Variants in KIF13A observed in about 807,000 individuals in gnomAD.
KIF13A encodes kinesin family member 13A.
A neutral mutation model predicts 212.2 loss-of-function variants in KIF13A; 79 were observed. The ratio of observed to expected loss-of-function variants is 0.37; its 90% CI spans 0.31 to 0.45. KIF13A has a LOEUF of 0.45. Ranked by LOEUF, KIF13A falls within the 20% of genes least tolerant of loss-of-function variation. KIF13A has a pLI of 1.00. For missense variants in KIF13A, 1,901 were observed against 2,209.0 expected, an observed-to-expected ratio of 0.86 and a Z score of 2.79; for synonymous variants, 789 against 808.6, an observed-to-expected ratio of 0.98 and a Z score of 0.41.
intron 16 of KIF13A, among the ~76,000 whole-genome samples, chr6:17,823,851 T>C (rs548661488): frequency 6.7e-6 from 1 of 148,728 alleles, no homozygotes; most frequent in East Asian, 2.0e-4. Flanking sequence ...TATCTTCCCG[T>C]CTCGGCCTCC....
intron 16 of KIF13A, among the ~76,000 whole-genome samples, chr6:17,819,289 C>A (rs1273954705): frequency 6.6e-6 from 1 of 152,092 alleles, no homozygotes. Context: ...GGGGGCCAGG[C>A]GTGGTGGCTC....
Position 17,764,820 on chromosome 6 carries a change from A to T in KIF13A, c.4708T>A (p.Phe1570Ile). ...YNASLENREW[F>I]SSKVDLSNSR... ...TTTGACAGATCTACTTTAGAGGAAA[A>T]CCATTCCCTGTTCTCCAAGCTGGCA... The change falls in exon 39 of 39, where the codon TTT becomes ATT. Residue 1570 changes from phenylalanine to isoleucine, a missense_variant. Phe to Ile is a conservative substitution (Grantham distance 21, BLOSUM62 0). Coordinates refer to ENST00000259711, the MANE Select transcript of KIF13A (RefSeq NM_022113.6). This position sits in a 1 kb window ranked among gnomAD's most constrained non-coding sequence, Gnocchi z 5.1. 2.5e-6 allele frequency: 4 copies of T among 1,613,526 alleles called. No individual in the cohort carries two copies. Among genetic ancestry groups the T allele is most frequent in the Non-Finnish European group, 3.4e-6 (4 of 1,179,694 alleles).
At chr6:17,779,560 C>T (rs1272825958) in intron 32 of KIF13A, 32 bp downstream of exon 32, 5 of 1,019,530 alleles carry the variant, frequency 4.9e-6, no homozygotes, top group Admixed American at 2.1e-5. Context: ...GCATGAGCCA[C>T]TGCGCCCGGC....
In KIF13A at chr6:17,862,744, T is replaced by C. The variant is rs997043973; in HGVS notation, c.221-6622A>G. Among the ~76,000 whole-genome samples, 6 of 152,022 alleles carry C rather than the reference T, an allele frequency of 3.9e-5. 1 individual carries two copies. Among genetic ancestry groups the C allele is most frequent in the Non-Finnish European group, 8.8e-5 (6 of 67,970 alleles). ...TGGGTGAATCACGAGGTCAGGAGAT[T>C]GAGACCAACCTGGCTAACATGGTGA... On this transcript the variant is annotated intron_variant, in intron 4 of 38. Coordinates refer to ENST00000259711, the MANE Select transcript of KIF13A (RefSeq NM_022113.6).
In KIF13A at chr6:17,764,127, C is replaced by T. The variant is rs1758734716; in HGVS notation, c.5401G>A (p.Val1801Ile). 1 of 1,613,828 alleles carries T rather than the reference C, an allele frequency of 6.2e-7. No individual in the cohort carries two copies. The change falls in exon 39 of 39, where the codon GTT becomes ATT. Residue 1801 changes from valine to isoleucine, a missense_variant. This residue lies in a region of KIF13A where 687 missense variants were observed against 759.1 expected (regional missense o/e 0.90). Coordinates refer to ENST00000259711, the MANE Select transcript of KIF13A (RefSeq NM_022113.6). This position sits in a 1 kb window ranked among gnomAD's most constrained non-coding sequence, Gnocchi z 5.1. ...QVIIPEAAFW[V>I]LCCQ Reference sequence around the variant, plus strand: ...AGACATACTCATTGACAGCACAGAACCCAAAAGGCTGCCTCTGGAATTATT... The same window carrying T: ...AGACATACTCATTGACAGCACAGAATCCAAAAGGCTGCCTCTGGAATTATT...
chr6:17,975,406 GT>G (rs763484190), intron 2 of KIF13A, among the ~76,000 whole-genome samples: 199 of 152,244 alleles, frequency 1.3e-3, no homozygotes, highest in Non-Finnish European at 2.1e-3. Context: ...CGCGTCTGGA[GT>G]TTTTTCCTTT....
chr6:17,874,221 C>G (rs1770281955), intron 3 of KIF13A, among the ~76,000 whole-genome samples: 1 of 151,856 alleles, frequency 6.6e-6, no homozygotes, highest in Admixed American at 6.6e-5. Flanking sequence ...CCATCCTGCA[C>G]TCCTTTCCCC....
Position 17,825,974 on chromosome 6 carries a change from T to C in KIF13A, c.1620-40A>G. The C allele has an allele frequency of 6.2e-7, 1 of 1,611,318 alleles. No individual in the cohort carries two copies. Among genetic ancestry groups the C allele is most frequent in the Non-Finnish European group, 8.5e-7 (1 of 1,177,922 alleles). On this transcript the variant is annotated intron_variant, in intron 15 of 38. Coordinates refer to ENST00000259711, the MANE Select transcript of KIF13A (RefSeq NM_022113.6). This position sits in a 1 kb window ranked among gnomAD's most constrained non-coding sequence, Gnocchi z 4.5. ...ACCATTAGAGAAAATCAACTTGTTT[T>C]ACACTTAAATAGATAACAGAAAAAA...
chr6:17,950,567 C>A, intron 2 of KIF13A: 1 of 985,038 alleles, frequency 1.0e-6, no homozygotes, highest in Non-Finnish European at 1.2e-6. Context: ...TGGATGAATG[C>A]CCCACAGGAT....
chr6:17,799,351 G>A lies in KIF13A; in HGVS notation c.2705C>T (p.Thr902Met), dbSNP rs532977529. 2.9e-5 allele frequency: 47 copies of A among 1,612,782 alleles called. No homozygotes were observed. The East Asian group carries it at 4.7e-4, about 16-fold the overall frequency. Reference sequence around the variant, plus strand: ...GGGGTCCACCACCGGGGCAGCCACCGTAGACTCACACTGGTCCCAGAATGT... The same window carrying A: ...GGGGTCCACCACCGGGGCAGCCACCATAGACTCACACTGGTCCCAGAATGT... ...QYTFWDQCES[T>M]VAAPVVDPEV... The change falls in exon 22 of 39, where the codon ACG (threonine) becomes ATG (methionine). Residue 902 changes from threonine (T) to methionine (M), a missense_variant. This residue lies in a region of KIF13A where 534 missense variants were observed against 536.9 expected (regional missense o/e 0.99). Transcript: ENST00000259711. The surrounding 1 kb of genome is among the most constrained non-coding windows in gnomAD (Gnocchi z 4.4).
At chr6:17,762,114 A>G (rs996318135), downstream of KIF13A, among the ~76,000 whole-genome samples, 1 of 152,114 alleles carries the variant, frequency 6.6e-6, no homozygotes, top group Non-Finnish European at 1.5e-5. Context: ...TCTGTTGTCC[A>G]GACTGGTCTT....
Position 17,899,407 on chromosome 6 carries a change from G to A in KIF13A, c.147-1227C>T, listed in dbSNP as rs1772861755. ...CTAAGAAAGTAGATTTTCCAGGGCA[G>A]AGGGCACGGAAAGGTATAGGCAAAA... On this transcript the variant is annotated intron_variant, in intron 2 of 38. Coordinates refer to ENST00000259711, the MANE Select transcript of KIF13A (RefSeq NM_022113.6). The surrounding 1 kb of genome is among the most constrained non-coding windows in gnomAD (Gnocchi z 5.2). Among the ~76,000 whole-genome samples, 1 of 152,218 alleles carries A rather than the reference G, an allele frequency of 6.6e-6. No homozygotes were observed. Among genetic ancestry groups the A allele is most frequent in the Admixed American group, 6.5e-5 (1 of 15,288 alleles).
chr6:17,779,742 ATTTTT>A, intron 31 of KIF13A, 58 bp from the exon 32 acceptor site: 9 of 461,336 alleles, frequency 2.0e-5, no homozygotes, highest in African/African-American at 4.8e-5. Context: ...GTTATTTTGT[ATTTTT>A]TTTTTTTTTT....
chr6:17,902,255 C>T (rs1435619666), intron 2 of KIF13A, among the ~76,000 whole-genome samples: 1 of 152,212 alleles, frequency 6.6e-6, no homozygotes, highest in Non-Finnish European at 1.5e-5. Flanking sequence ...TTTCTGACCA[C>T]TCTCCAATGC....
rs1765209577 is a variant in KIF13A, at chr6:17,829,061, C to G, written c.1402-691G>C. The stretch of plus-strand genomic sequence containing the variant: ...CTCCTGGGTTCAAGCCATTCTCTTG[C>G]CTCAGCCTCCTGAGTAGTTGGGATT... On this transcript the variant is annotated intron_variant, in intron 13 of 38. Transcript: ENST00000259711. This position sits in a 1 kb window ranked among gnomAD's most constrained non-coding sequence, Gnocchi z 5.4. Among the ~76,000 whole-genome samples the G allele has an allele frequency of 6.6e-6, 1 of 151,750 alleles. No individual in the cohort carries two copies. Among genetic ancestry groups the G allele is most frequent in the Non-Finnish European group, 1.5e-5 (1 of 67,988 alleles).
At position 17,777,908 on chromosome 6, in the gene KIF13A, G is replaced by C. The variant is rs1340318936; in HGVS notation, c.4093-554C>G. On this transcript the variant is annotated intron_variant, in intron 33 of 38. Transcript: ENST00000259711. This position sits in a 1 kb window ranked among gnomAD's most constrained non-coding sequence, Gnocchi z 4.4. Reference sequence around the variant, plus strand: ...TATAATCCCAGCACTCTGGGAGGCTGAGGCAGGTGGATCACAGACAGGAGT... The same window carrying C: ...TATAATCCCAGCACTCTGGGAGGCTCAGGCAGGTGGATCACAGACAGGAGT... Among the ~76,000 whole-genome samples, 1 of 152,136 alleles carries C rather than the reference G, an allele frequency of 6.6e-6. No individual in the cohort carries two copies. Among genetic ancestry groups the C allele is most frequent in the Admixed American group, 6.5e-5 (1 of 15,272 alleles).
intron 2 of KIF13A, among the ~76,000 whole-genome samples, chr6:17,929,433 C>T (rs1254927997): frequency 6.6e-6 from 1 of 150,904 alleles, no homozygotes; most frequent in Non-Finnish European, 1.5e-5. Context: ...CAGAGTCTCG[C>T]TCTGTTGGCC....
chr6:17,839,512 T>C lies in KIF13A; in HGVS notation c.831-1929A>G, dbSNP rs976535287. ...TGTATCACAACAACTACAACACGGATGAACCCTGGCAAATTATTTTACGTG... is the reference window on the plus strand; with the variant it reads ...TGTATCACAACAACTACAACACGGACGAACCCTGGCAAATTATTTTACGTG... On this transcript the variant is annotated intron_variant, in intron 9 of 38. Transcript: ENST00000259711. This position sits in a 1 kb window ranked among gnomAD's most constrained non-coding sequence, Gnocchi z 4.3. 6.6e-6 allele frequency among the ~76,000 whole-genome samples: 1 copy of C among 152,166 alleles called. No homozygotes were observed. Among genetic ancestry groups the C allele is most frequent in the Admixed American group, 6.5e-5 (1 of 15,276 alleles).
At chr6:17,859,123 A>C (rs1768446069) in intron 4 of KIF13A, among the ~76,000 whole-genome samples, 1 of 152,180 alleles carries the variant, frequency 6.6e-6, no homozygotes, top group South Asian at 2.1e-4. Context: ...GTAAATCACA[A>C]TGTGTCTTTT....
Sources: allele counts gnomAD v4.1 joint callset (sites outside exome capture counted in the v4.1 genomes callset), GRCh38; gene constraint gnomAD v4.1.1; regional missense constraint gnomAD v4.1.1; non-coding constraint Gnocchi (gnomAD v3.1); transcripts MANE v1.5; gene names NCBI Gene and HGNC (gene_info 2026-07-23, HGNC 2026-07-21).